Variants in FAM53B observed in about 807,000 individuals in gnomAD.
FAM53B encodes the protein protein FAM53B.
In FAM53B, 12 loss-of-function variants were observed where a neutral mutation model predicts 32.7. That is an observed-to-expected ratio of 0.37 (90% confidence interval 0.24 to 0.59). The LOEUF (loss-of-function observed/expected upper bound fraction) is 0.59, where lower values mean the gene tolerates loss of function less well. Ranked by LOEUF, FAM53B falls within the 20% of genes least tolerant of loss-of-function variation. The probability of loss-of-function intolerance (pLI) is 0.72; values close to 1 mark genes in which losing one functional copy is unlikely to be tolerated. For missense variants in FAM53B, 477 were observed against 577.7 expected (o/e 0.83, Z 1.79); for synonymous variants, 234 against 228.7 (o/e 1.02, Z -0.21).
chr10:124,723,344 G>C (rs1048688138), intron 1 of FAM53B, among the ~76,000 whole-genome samples: 4 of 152,194 alleles, frequency 2.6e-5, no homozygotes, highest in Non-Finnish European at 4.4e-5. Flanking sequence ...GCTTGCAGGG[G>C]GTTTCCGATA....
At chr10:124,635,934 T>C (rs993706792) in intron 4 of FAM53B, among the ~76,000 whole-genome samples, 4 of 152,206 alleles carry the variant, frequency 2.6e-5, no homozygotes, top group African/African-American at 4.8e-5. Flanking sequence ...ATAATAAGAA[T>C]TGAAATTCCT....
chr10:124,647,283 G>A (rs1949523047), intron 4 of FAM53B, among the ~76,000 whole-genome samples: 1 of 152,188 alleles, frequency 6.6e-6, no homozygotes, highest in Non-Finnish European at 1.5e-5. Flanking sequence ...TTGGATGAAT[G>A]GCGCAGAAAG....
chr10:124,710,017 G>A (rs1949989908), intron 1 of FAM53B, among the ~76,000 whole-genome samples: 1 of 152,230 alleles, frequency 6.6e-6, no homozygotes, highest in Non-Finnish European at 1.5e-5. Flanking sequence ...GATTTCATCA[G>A]GAAGGGCAGG....
At chr10:124,633,583 A>C (rs1211218899) in intron 4 of FAM53B, among the ~76,000 whole-genome samples, 1 of 152,256 alleles carries the variant, frequency 6.6e-6, no homozygotes, top group Non-Finnish European at 1.5e-5. Context: ...CTAAAACAGC[A>C]TATTAGTATG....
rs999678551 is a variant in FAM53B, at chr10:124,621,639, T to G, written c.*1603A>C. 1.3e-5 allele frequency: 2 copies of G among 152,218 alleles called. No individual in the cohort carries two copies. Among genetic ancestry groups the G allele is most frequent in the African/African-American group, 4.8e-5 (2 of 41,444 alleles). The allele number at this position is 152,218 out of a possible 1,614,324, so 9.4% of individuals were successfully genotyped here. On this transcript the variant is annotated 3_prime_UTR_variant, in exon 5 of 5. Coordinates refer to ENST00000337318, the MANE Select transcript of FAM53B (RefSeq NM_014661.4). ...GGAACTTGAACCACCATCCTTTTGATGTAGTAAAAAAATAAGATTTAAACA... is the reference window on the plus strand; with the variant it reads ...GGAACTTGAACCACCATCCTTTTGAGGTAGTAAAAAAATAAGATTTAAACA...
chr10:124,691,213 G>C (rs1209299005), intron 3 of FAM53B, among the ~76,000 whole-genome samples: 1 of 152,206 alleles, frequency 6.6e-6, no homozygotes, highest in African/African-American at 2.4e-5. Flanking sequence ...TTAATACAGA[G>C]AGTGCCCCAG....
chr10:124,624,491 C>T (rs1184642799), intron 4 of FAM53B, among the ~76,000 whole-genome samples: 1 of 152,188 alleles, frequency 6.6e-6, no homozygotes, highest in Non-Finnish European at 1.5e-5. Context: ...GTGCATGATG[C>T]TCCCTGCCTG....
chr10:124,640,226 G>C (rs932127760), intron 4 of FAM53B, among the ~76,000 whole-genome samples: 11 of 152,188 alleles, frequency 7.2e-5, no homozygotes, highest in Admixed American at 6.5e-5. Context: ...GCACCCCGTG[G>C]GCTTGTCTGC....
intron 4 of FAM53B, among the ~76,000 whole-genome samples, chr10:124,681,368 C>T (rs1232457529): frequency 6.6e-6 from 1 of 152,186 alleles, no homozygotes; most frequent in Non-Finnish European, 1.5e-5. Context: ...ATCCACCTGC[C>T]CTTGTACCCC....
rs1186803446 is a variant in FAM53B at position 124,623,401 on chromosome 10, C to G, written c.1110G>C (p.Gln370His). The change falls in exon 5 of 5, where the codon CAG becomes CAC. Residue 370 changes from glutamine to histidine, a missense_variant. By Grantham distance (24) the Gln-to-His change is conservative. Transcript: ENST00000337318. Reference protein sequence around the residue: ...PPSFDDHLACQEDLSCEESDS... With the variant: ...PPSFDDHLACHEDLSCEESDS... ...CTGACTCCTCACAGGACAGGTCCTC[C>G]TGGCAGGCGAGGTGGTCGTCGAAGG... 6.2e-7 allele frequency: 1 copy of G among 1,611,834 alleles called. No individual in the cohort carries two copies.
In FAM53B at chr10:124,651,546, C is replaced by T. The variant is rs553992304; in HGVS notation, c.907-27942G>A. On this transcript the variant is annotated intron_variant, in intron 4 of 4. Coordinates refer to ENST00000337318, the MANE Select transcript of FAM53B (RefSeq NM_014661.4). This position sits in a 1 kb window ranked among gnomAD's most constrained non-coding sequence, Gnocchi z 5.2. The stretch of plus-strand genomic sequence containing the variant: ...CTGGACGGAATCACAATCCCACACA[C>T]GGCACCAGGGACCTGGACTATGCAC... 6.6e-6 allele frequency among the ~76,000 whole-genome samples: 1 copy of T among 152,306 alleles called. No homozygotes were observed. The highest frequency in any genetic ancestry group is 1.5e-5 in the Non-Finnish European group (1 of 68,010).
In FAM53B at chr10:124,676,463, G is replaced by A. The variant is rs530944856; in HGVS notation, c.906+5144C>T. Among the ~76,000 whole-genome samples, 236 of 152,288 alleles carry A rather than the reference G, an allele frequency of 1.5e-3. 7 individuals are homozygous for A. In the South Asian group the frequency reaches 0.025, roughly 16 times the overall value. ...AAGGTGCAGGCAAGCTGGGCCTGCC[G>A]CACAGGAACTTGGCCAAGGAAAGGC... On this transcript the variant is annotated intron_variant, in intron 4 of 4. Transcript: ENST00000337318.
intron 4 of FAM53B, among the ~76,000 whole-genome samples, chr10:124,659,744 C>CT (rs921500953): frequency 7.2e-5 from 11 of 152,232 alleles, no homozygotes; most frequent in African/African-American, 2.7e-4. Flanking sequence ...GGCTGTCCAC[C>CT]TAAGGGGCCA....
intron 4 of FAM53B, among the ~76,000 whole-genome samples, chr10:124,653,392 C>A (rs891770730): frequency 3.3e-5 from 5 of 152,172 alleles, no homozygotes; most frequent in Non-Finnish European, 4.4e-5. Flanking sequence ...GCGTGGGGAC[C>A]CTGATGGACT....
At chr10:124,679,260 T>A (rs986385165) in intron 4 of FAM53B, among the ~76,000 whole-genome samples, 1 of 151,914 alleles carries the variant, frequency 6.6e-6, no homozygotes, top group Non-Finnish European at 1.5e-5. Context: ...TTCTCAGTGG[T>A]CCCAAATGTT....
intron 1 of FAM53B, among the ~76,000 whole-genome samples, chr10:124,729,705 T>C (rs1359262933): frequency 6.6e-6 from 1 of 152,206 alleles, no homozygotes; most frequent in Non-Finnish European, 1.5e-5. Context: ...GACTCCTGAC[T>C]GTACAATGCA....
intron 4 of FAM53B, among the ~76,000 whole-genome samples, chr10:124,645,791 A>C (rs1949508992): frequency 6.6e-6 from 1 of 152,144 alleles, no homozygotes; most frequent in Admixed American, 6.5e-5. Context: ...GCTCCTAGGG[A>C]CTTGGACTCA....
intron 4 of FAM53B, among the ~76,000 whole-genome samples, chr10:124,662,457 CCCACCCATCCATCCATCCATCCAT>C (rs1380384881): frequency 1.1e-5 from 1 of 90,880 alleles, no homozygotes; most frequent in Admixed American, 1.3e-4. Context: ...CACACACCCA[CCCACCCATCCATCCATCCATCCAT>C]CCATCCATCC....
At chr10:124,691,664 T>C (rs553032746) in intron 3 of FAM53B, among the ~76,000 whole-genome samples, 2 of 152,366 alleles carry the variant, frequency 1.3e-5, no homozygotes, top group African/African-American at 4.8e-5. Flanking sequence ...CCATTGTCCC[T>C]GCAATACAAA....
Sources: allele counts gnomAD v4.1 joint callset (sites outside exome capture counted in the v4.1 genomes callset), GRCh38; gene constraint gnomAD v4.1.1; non-coding constraint Gnocchi (gnomAD v3.1); transcripts MANE v1.5; gene names NCBI Gene and HGNC (gene_info 2026-07-23, HGNC 2026-07-21).